Variants in DACH1 observed in about 807,000 individuals in gnomAD.
The protein encoded by DACH1 is dachshund family transcription factor 1, also known as dachshund homolog 1.
Under a neutral mutation model 54.2 loss-of-function variants are expected in DACH1, and 12 were observed. The ratio of observed to expected loss-of-function variants is 0.22; its 90% CI spans 0.14 to 0.36. The LOEUF (loss-of-function observed/expected upper bound fraction) is 0.36, where lower values mean the gene tolerates loss of function less well. Among genes scored for constraint, DACH1 ranks in the 10% least tolerant of loss-of-function variants. DACH1 has a pLI of 1.00. For synonymous variants in DACH1, 386 were observed against 366.2 expected (o/e 1.05, Z -0.62); for missense variants, 805 against 929.8 (o/e 0.87, Z 1.75).
At chr13:71,576,766 T>C (rs1885554858) in intron 3 of DACH1, among the ~76,000 whole-genome samples, 2 of 152,260 alleles carry the variant, frequency 1.3e-5, no homozygotes, top group East Asian at 1.9e-4. Flanking sequence ...TAGTTAACTG[T>C]CATCTCTGCT....
intron 1 of DACH1, among the ~76,000 whole-genome samples, chr13:71,821,131 G>A (rs1163044178): frequency 3.3e-5 from 5 of 152,170 alleles, no homozygotes; most frequent in Admixed American, 2.0e-4. Context: ...AATGATAGCC[G>A]CATTCAACAG....
chr13:71,533,376 C>T (rs542995716), intron 6 of DACH1, among the ~76,000 whole-genome samples: 2 of 151,940 alleles, frequency 1.3e-5, no homozygotes, highest in East Asian at 1.9e-4. Flanking sequence ...GGAAAGGAAA[C>T]GTGACAGTGA....
chr13:71,484,833 GGGTAGATTAGTTAA>G (rs1447614485), intron 7 of DACH1, among the ~76,000 whole-genome samples: 1 of 152,072 alleles, frequency 6.6e-6, no homozygotes, highest in Non-Finnish European at 1.5e-5. Flanking sequence ...TTTGGGAGGT[GGGTAGATTAGTTAA>G]GGTCAGGAGT....
intron 3 of DACH1, among the ~76,000 whole-genome samples, chr13:71,607,562 T>G (rs898207941): frequency 6.6e-6 from 1 of 152,062 alleles, no homozygotes; most frequent in Non-Finnish European, 1.5e-5. Context: ...GAATAAGAAT[T>G]GTCTCTTAGG....
rs1031432996 is a variant in DACH1 at position 71,617,006 on chromosome 13, C to A, written c.1126+13550G>T. Among the ~76,000 whole-genome samples, 3 of 151,734 alleles carry A rather than the reference C, an allele frequency of 2.0e-5. No individual in the cohort carries two copies. The South Asian group carries it at 6.2e-4, about 32-fold the overall frequency. ...AAGTGATTCTCCTGCCTCAGCCTCC[C>A]GAGTAGCTGGGATTACAGGTGCCCA... On this transcript the variant is annotated intron_variant, in intron 3 of 10. Transcript: ENST00000613252.
chr13:71,549,233 A>G (rs1883650937), intron 6 of DACH1, among the ~76,000 whole-genome samples: 1 of 152,140 alleles, frequency 6.6e-6, no homozygotes, highest in Admixed American at 6.6e-5. Flanking sequence ...GCAAATTTCA[A>G]TGTGAAACTG....
chr13:71,602,324 T>G lies in DACH1; in HGVS notation c.1126+28232A>C, dbSNP rs184601485. On this transcript the variant is annotated intron_variant, in intron 3 of 10. Coordinates refer to ENST00000613252, the MANE Select transcript of DACH1 (RefSeq NM_080759.6). ...AATTATTTAGTCAAATAGAAAACAT[T>G]GTTAGAAGGAAAATCTGTGTGTGTT... Among the ~76,000 whole-genome samples, 210 of 152,130 alleles carry G rather than the reference T, an allele frequency of 1.4e-3. 2 individuals carry two copies. Among genetic ancestry groups the G allele is most frequent in the Middle Eastern group, 3.4e-3 (1 of 294 alleles).
intron 7 of DACH1, 51 bp downstream of exon 7, chr13:71,488,946 C>A: frequency 1.3e-6 from 2 of 1,553,158 alleles, no homozygotes; most frequent in Non-Finnish European, 1.7e-6. Flanking sequence ...AAAAAAAAAT[C>A]TACAACAGGG....
chr13:71,600,898 C>A (rs1476584095), intron 3 of DACH1, among the ~76,000 whole-genome samples: 1 of 151,788 alleles, frequency 6.6e-6, no homozygotes, highest in Non-Finnish European at 1.5e-5. Context: ...ATTGCCCTCA[C>A]CCTTAGAGAT....
At chr13:71,736,114 T>A (rs1884105278) in intron 1 of DACH1, among the ~76,000 whole-genome samples, 1 of 152,088 alleles carries the variant, frequency 6.6e-6, no homozygotes, top group South Asian at 2.1e-4. Flanking sequence ...TTTCTAGACA[T>A]CAACCCCAAG....
intron 2 of DACH1, among the ~76,000 whole-genome samples, chr13:71,659,175 A>G (rs1021421817): frequency 1.4e-4 from 21 of 152,262 alleles, no homozygotes; most frequent in African/African-American, 4.6e-4. Context: ...GAGAGGAAAC[A>G]AGGTAGGAAG....
chr13:71,579,447 C>T (rs1284783716), intron 3 of DACH1, among the ~76,000 whole-genome samples: 2 of 152,000 alleles, frequency 1.3e-5, no homozygotes, highest in East Asian at 3.9e-4. Context: ...GGGAAACAAA[C>T]CGTAAAATCA....
chr13:71,774,809 G>T (rs1317112783), intron 1 of DACH1, among the ~76,000 whole-genome samples: 1 of 152,084 alleles, frequency 6.6e-6, no homozygotes, highest in Non-Finnish European at 1.5e-5. Flanking sequence ...AGGCATTATG[G>T]TAGACAGGGA....
chr13:71,561,549 T>C (rs948265189), intron 4 of DACH1, among the ~76,000 whole-genome samples: 1 of 152,170 alleles, frequency 6.6e-6, no homozygotes, highest in African/African-American at 2.4e-5. Context: ...CGAAGGATTC[T>C]ACCTAGTATC....
intron 1 of DACH1, among the ~76,000 whole-genome samples, chr13:71,746,501 A>G (rs936651852): frequency 1.3e-5 from 2 of 152,214 alleles, no homozygotes; most frequent in African/African-American, 2.4e-5. Context: ...AGATGAAATC[A>G]ACTACAAAAA....
chr13:71,442,793 T>C (rs1351027494), intron 10 of DACH1, among the ~76,000 whole-genome samples: 3 of 151,992 alleles, frequency 2.0e-5, no homozygotes, highest in Non-Finnish European at 4.4e-5. Flanking sequence ...TATAGCTACA[T>C]GGATAATAAT....
chr13:71,567,087 G>A (rs368975148), intron 4 of DACH1, among the ~76,000 whole-genome samples: 2 of 152,036 alleles, frequency 1.3e-5, no homozygotes, highest in African/African-American at 2.4e-5. Flanking sequence ...TATAAACAGC[G>A]TTTTTCAATG....
At chr13:71,484,496 G>A (rs1053227442) in intron 7 of DACH1, among the ~76,000 whole-genome samples, 1 of 152,070 alleles carries the variant, frequency 6.6e-6, no homozygotes, top group Admixed American at 6.6e-5. Flanking sequence ...TTTAACATAT[G>A]TTTTAGGTCT....
At chr13:71,616,592 C>T (rs994293719) in intron 3 of DACH1, among the ~76,000 whole-genome samples, 3 of 151,864 alleles carry the variant, frequency 2.0e-5, no homozygotes, top group East Asian at 3.9e-4. Flanking sequence ...GAAAAATAGC[C>T]AGGTGTGGTG....
Sources: allele counts gnomAD v4.1 joint callset (sites outside exome capture counted in the v4.1 genomes callset), GRCh38; gene constraint gnomAD v4.1.1; transcripts MANE v1.5; gene names NCBI Gene and HGNC (gene_info 2026-07-23, HGNC 2026-07-21).